NRXN3: variants seen among roughly 807,000 people sequenced by gnomAD.
The protein encoded by NRXN3 is neurexin 3.
NRXN3 carries 32 observed loss-of-function variants against 137.6 expected under a neutral mutation model. The observed-to-expected ratio is 0.23, with a 90% CI of 0.18 to 0.31. NRXN3 has a LOEUF of 0.31. Among genes scored for constraint, NRXN3 ranks in the 10% least tolerant of loss-of-function variants. The pLI is 1.00. For missense variants in NRXN3, 1,574 were observed against 2,062.5 expected (o/e 0.76, Z 4.59); for synonymous variants, 798 against 784.5 (o/e 1.02, Z -0.29).
At chr14:78,191,714 C>T (rs978145290) in intron 1 of NRXN3, among the ~76,000 whole-genome samples, 2 of 152,116 alleles carry the variant, frequency 1.3e-5, no homozygotes, top group South Asian at 2.1e-4. Flanking sequence ...ACCAGTGTGA[C>T]TGAATGAGGA....
intron 9 of NRXN3, among the ~76,000 whole-genome samples, chr14:78,806,680 T>A (rs925917582): frequency 9.2e-5 from 14 of 152,210 alleles, no homozygotes; most frequent in African/African-American, 3.1e-4. Context: ...GGCAGCCATA[T>A]GTGGTGCTAA....
chr14:79,350,675 A>G (rs2093161604), intron 15 of NRXN3, among the ~76,000 whole-genome samples: 1 of 152,050 alleles, frequency 6.6e-6, no homozygotes, highest in Admixed American at 6.6e-5. Flanking sequence ...ATTCCTATGG[A>G]TATGAAGCCG....
At chr14:78,834,222 A>C (rs2098990067) in intron 10 of NRXN3, among the ~76,000 whole-genome samples, 1 of 152,114 alleles carries the variant, frequency 6.6e-6, no homozygotes, top group South Asian at 2.1e-4. Flanking sequence ...TTTATAAATA[A>C]ATGAGTGATG....
intron 15 of NRXN3, among the ~76,000 whole-genome samples, chr14:79,430,946 C>G (rs1210777962): frequency 6.6e-6 from 1 of 151,956 alleles, no homozygotes; most frequent in East Asian, 1.9e-4. Flanking sequence ...CACATATTAC[C>G]TTTTCCAAAA....
At chr14:79,259,633 A>T (rs1274685752) in intron 15 of NRXN3, among the ~76,000 whole-genome samples, 1 of 148,014 alleles carries the variant, frequency 6.8e-6, no homozygotes, top group Admixed American at 6.8e-5. Flanking sequence ...CTATATAGCT[A>T]TATATATAGT....
intron 10 of NRXN3, among the ~76,000 whole-genome samples, chr14:78,892,237 G>A (rs890315030): frequency 1.3e-5 from 2 of 152,006 alleles, no homozygotes; most frequent in Non-Finnish European, 2.9e-5. Flanking sequence ...GCTAAAGGAT[G>A]CTAAATATTA....
At chr14:78,958,643 T>C (rs768154529) in intron 11 of NRXN3, among the ~76,000 whole-genome samples, 22 of 152,154 alleles carry the variant, frequency 1.4e-4, no homozygotes, top group Non-Finnish European at 1.8e-4. Flanking sequence ...GCGTGAGCCA[T>C]CGCGCCAGGC....
intron 7 of NRXN3, among the ~76,000 whole-genome samples, chr14:78,712,268 A>G (rs1057180725): frequency 6.6e-6 from 1 of 152,194 alleles, no homozygotes; most frequent in African/African-American, 2.4e-5. Context: ...AGAGATAGAG[A>G]CCTCAACTTC....
At chr14:79,741,254 A>G (rs923221239) in intron 19 of NRXN3, among the ~76,000 whole-genome samples, 5 of 152,158 alleles carry the variant, frequency 3.3e-5, no homozygotes, top group African/African-American at 1.2e-4. Context: ...ATCCAGTGAC[A>G]TGTTGCTTTG....
chr14:78,177,504 A>G (rs931763262), intron 1 of NRXN3, among the ~76,000 whole-genome samples: 1 of 152,166 alleles, frequency 6.6e-6, no homozygotes, highest in Admixed American at 6.5e-5. Context: ...GAGATGGTGT[A>G]GCCAGACGCC....
chr14:78,999,907 G>A (rs988050008), intron 15 of NRXN3, among the ~76,000 whole-genome samples: 2 of 152,190 alleles, frequency 1.3e-5, no homozygotes, highest in Non-Finnish European at 2.9e-5. Flanking sequence ...GAGTGAGATA[G>A]TAGAACTTTA....
intron 1 of NRXN3, among the ~76,000 whole-genome samples, chr14:78,220,169 T>G (rs925529212): frequency 4.6e-5 from 7 of 151,850 alleles, no homozygotes. Flanking sequence ...AGGAAAACAA[T>G]GAGTTTGGTT....
intron 10 of NRXN3, among the ~76,000 whole-genome samples, chr14:78,823,380 C>T (rs893205946): frequency 6.6e-6 from 1 of 152,110 alleles, no homozygotes; most frequent in African/African-American, 2.4e-5. Context: ...ATAGACTGTT[C>T]CTCTGTATCT....
chr14:78,690,009 GC>G (rs1380407428), intron 6 of NRXN3, among the ~76,000 whole-genome samples: 2 of 151,988 alleles, frequency 1.3e-5, no homozygotes, highest in East Asian at 3.9e-4. Flanking sequence ...AGACCTCAAA[GC>G]AATTATTCTT....
At chr14:79,545,488 T>C (rs1404111282) in intron 16 of NRXN3, among the ~76,000 whole-genome samples, 8 of 152,096 alleles carry the variant, frequency 5.3e-5, no homozygotes, top group Non-Finnish European at 1.0e-4. Flanking sequence ...TGTGATTACA[T>C]TGGGTGCACC....
chr14:78,941,198 T>A (rs1365966207), intron 10 of NRXN3, among the ~76,000 whole-genome samples: 1 of 152,156 alleles, frequency 6.6e-6, no homozygotes, highest in African/African-American at 2.4e-5. Flanking sequence ...TTAAAATCAA[T>A]GAGAAGTAGA....
chr14:78,830,125 C>T (rs2098977705), intron 10 of NRXN3, among the ~76,000 whole-genome samples: 1 of 152,018 alleles, frequency 6.6e-6, no homozygotes, highest in Non-Finnish European at 1.5e-5. Context: ...CAATAACTCG[C>T]CCAAGATGTG....
At chr14:79,755,287 T>C (rs2099015470) in intron 19 of NRXN3, among the ~76,000 whole-genome samples, 1 of 152,176 alleles carries the variant, frequency 6.6e-6, no homozygotes, top group Non-Finnish European at 1.5e-5. Context: ...AAAATTTGTA[T>C]ATTTTGTTGT....
At chr14:79,294,089 G>C (rs1050738217) in intron 15 of NRXN3, among the ~76,000 whole-genome samples, 2 of 152,194 alleles carry the variant, frequency 1.3e-5, no homozygotes, top group Non-Finnish European at 2.9e-5. Context: ...TGTACAATCT[G>C]TCCATAAAGA....
Sources: gnomAD v4.1 joint callset for allele counts (sites outside exome capture counted in the v4.1 genomes callset) on GRCh38, gnomAD v4.1.1 for gene constraint, MANE v1.5 for transcripts, NCBI Gene and HGNC (gene_info 2026-07-23, HGNC 2026-07-21) for gene names.